HERC5: variants seen among roughly 807,000 people sequenced by gnomAD.
HERC5 encodes HECT and RLD domain containing E3 ubiquitin protein ligase 5, also known as E3 ISG15--protein ligase HERC5.
Under a neutral mutation model 119.6 loss-of-function variants are expected in HERC5, and 99 were observed. That is an observed-to-expected ratio of 0.83 (90% confidence interval 0.70 to 0.98). HERC5 has a LOEUF of 0.98. Among genes scored for constraint, HERC5 ranks in the 50% least tolerant of loss-of-function variants. The probability of loss-of-function intolerance (pLI) is 0.00; values close to 1 mark genes in which losing one functional copy is unlikely to be tolerated. For synonymous variants in HERC5, 478 were observed against 445.9 expected, an observed-to-expected ratio of 1.07 and a Z score of -0.91; for missense variants, 1,267 against 1,241.3, an observed-to-expected ratio of 1.02 and a Z score of -0.31.
Position 88,462,331 on chromosome 4 carries a change from A to G in HERC5, c.663A>G (p.Gly221=). ...NIYSWGKNEC[G]QLGLGHTESK... is the part of the protein sequence containing the mutation. ...ATTCATGGGGAAAAAATGAATGTGG[A>G]CAACTAGGCCTGGGCCACACTGAGA... Residue 221 remains glycine, a synonymous_variant, in exon 4 of 23, where the codon GGA becomes GGG. Transcript: ENST00000264350. 6.2e-7 allele frequency: 1 copy of G among 1,614,120 alleles called. No individual in the cohort carries two copies. Among genetic ancestry groups the G allele is most frequent in the Non-Finnish European group, 8.5e-7 (1 of 1,179,946 alleles).
intron 3 of HERC5, among the ~76,000 whole-genome samples, chr4:88,461,350 TA>T (rs1740437793): frequency 6.6e-6 from 1 of 152,174 alleles, no homozygotes; most frequent in Non-Finnish European, 1.5e-5. Context: ...GGTAAAGGGA[TA>T]TTCAGAGTTT....
At chr4:88,483,108 A>G (rs1181189587) in intron 13 of HERC5, among the ~76,000 whole-genome samples, 1 of 152,044 alleles carries the variant, frequency 6.6e-6, no homozygotes, top group Non-Finnish European at 1.5e-5. Context: ...GAAGTGGGGG[A>G]ACAGTGGATA....
At chr4:88,499,601 A>G (rs1017682484) in intron 18 of HERC5, among the ~76,000 whole-genome samples, 6 of 152,240 alleles carry the variant, frequency 3.9e-5, no homozygotes, top group African/African-American at 1.4e-4. Context: ...AGGTAACACC[A>G]GTTTGAATGA....
At chr4:88,503,890 C>T (rs940077136) in intron 20 of HERC5, among the ~76,000 whole-genome samples, 1 of 152,024 alleles carries the variant, frequency 6.6e-6, no homozygotes, top group African/African-American at 2.4e-5. Context: ...CATGGTAAAA[C>T]CCCATCTCTA....
chr4:88,462,510 A>G (rs1740479847), intron 4 of HERC5, among the ~76,000 whole-genome samples, 154 bp downstream of exon 4: 1 of 152,210 alleles, frequency 6.6e-6, no homozygotes, highest in Admixed American at 6.5e-5. Flanking sequence ...TCAGTCCAAG[A>G]GGCATACATA....
rs559557609 is a variant in HERC5, at chr4:88,502,776, A to G, written c.2583-1456A>G. On this transcript the variant is annotated intron_variant, in intron 20 of 22. Transcript: ENST00000264350. ...TTAATTTGCATTTCTCTGATTACTA[A>G]TGTTAAGCACTTTATATGCTTATTG... 1.3e-3 allele frequency among the ~76,000 whole-genome samples: 201 copies of G among 152,208 alleles called. 2 individuals are homozygous for G. The highest frequency in any genetic ancestry group is 4.7e-3 in the African/African-American group (195 of 41,550).
rs979029032 is a variant in HERC5, at chr4:88,479,239, C to T, written c.1583-114C>T. On this transcript the variant is annotated intron_variant, in intron 12 of 22. Coordinates refer to ENST00000264350, the MANE Select transcript of HERC5 (RefSeq NM_016323.4). ...GGCAGAGGATGTAGTGAGCTGAGAT[C>T]GTGCCACTGCACTCCAGGCTGGGCA... The T allele has an allele frequency of 4.6e-5, 31 of 669,394 alleles. No individual in the cohort carries two copies. The Admixed American group carries it at 8.0e-4, about 17-fold the overall frequency. The allele number at this position is 669,394 out of a possible 1,614,324, so 41.5% of individuals were successfully genotyped here. A position where few individuals can be genotyped will look rare whatever the true frequency, so the allele number is the denominator to read the frequency against.
chr4:88,470,340 T>A (rs1740826087), intron 9 of HERC5, among the ~76,000 whole-genome samples: 3 of 152,198 alleles, frequency 2.0e-5, no homozygotes, highest in African/African-American at 7.2e-5. Context: ...GTTCTGACCA[T>A]AAATCAAGCC....
chr4:88,460,289 A>G (rs1282994830), intron 3 of HERC5, 118 bp downstream of exon 3: 1 of 505,500 alleles, frequency 2.0e-6, no homozygotes, highest in Non-Finnish European at 3.5e-6. Context: ...TGAATTTGAT[A>G]TGGTTCCGAG....
rs865779975 is a variant in HERC5 at position 88,476,675 on chromosome 4, C to T, written c.1582+645C>T. ...GTGGCTCATGCCTGTAATCTCAGCA[C>T]TTTGGGAGGCTGAGGCAGGCAGATC... is the stretch of plus-strand genomic sequence containing the variant. On this transcript the variant is annotated intron_variant, in intron 12 of 22. Coordinates refer to ENST00000264350, the MANE Select transcript of HERC5 (RefSeq NM_016323.4). 3.3e-5 allele frequency among the ~76,000 whole-genome samples: 5 copies of T among 152,262 alleles called. No homozygotes were observed. In the South Asian group the frequency reaches 8.3e-4, roughly 25 times the overall value.
chr4:88,461,794 A>G (rs554062800), intron 3 of HERC5, among the ~76,000 whole-genome samples: 4 of 152,154 alleles, frequency 2.6e-5, no homozygotes, highest in Non-Finnish European at 5.9e-5. Flanking sequence ...GGGGTTTTTC[A>G]TAGAGGTAGA....
At chr4:88,498,198 A>T (rs145957630) in intron 18 of HERC5, among the ~76,000 whole-genome samples, 2 of 152,166 alleles carry the variant, frequency 1.3e-5, no homozygotes, top group Non-Finnish European at 2.9e-5. Context: ...GAGAGCCCCC[A>T]CTAAGGCAAT....
At chr4:88,472,943 TCTA>T (rs1375393150) in intron 11 of HERC5, 1 of 153,318 alleles carries the variant, frequency 6.5e-6, no homozygotes, top group Non-Finnish European at 1.4e-5. Flanking sequence ...TTTTTTCCAT[TCTA>T]CTTTTCTGTA....
Position 88,482,174 on chromosome 4 carries a change from G to A in HERC5, c.1737+2667G>A, listed in dbSNP as rs944194067. ...AAAATACAAAAGTTAGCTGGGTGTG[G>A]TGGCGTATGCCTGTAATCCCAGCTG... On this transcript the variant is annotated intron_variant, in intron 13 of 22. Coordinates refer to ENST00000264350, the MANE Select transcript of HERC5 (RefSeq NM_016323.4). Among the ~76,000 whole-genome samples, 6 of 152,240 alleles carry A rather than the reference G, an allele frequency of 3.9e-5. No homozygotes were observed. The East Asian group carries it at 5.8e-4, about 15-fold the overall frequency.
Position 88,463,698 on chromosome 4 carries a change from G to T in HERC5, c.780+75G>T, listed in dbSNP as rs1246133111. The stretch of plus-strand genomic sequence containing the variant: ...GTATGGGAAGTTAGTGTTTCCCAGA[G>T]AAGAAAGGTCATCACTTCCTGTATG... On this transcript the variant is annotated intron_variant, in intron 5 of 22. Coordinates refer to ENST00000264350, the MANE Select transcript of HERC5 (RefSeq NM_016323.4). 3.5e-6 allele frequency: 5 copies of T among 1,437,128 alleles called. No homozygotes were observed. The Admixed American group carries it at 5.4e-5, about 15-fold the overall frequency. 89.0% of individuals were successfully genotyped at this position (1,437,128 alleles called of 1,614,324 possible). A position where few individuals can be genotyped will look rare whatever the true frequency, so the allele number is the denominator to read the frequency against.
At chr4:88,482,434 GA>G (rs1338054676) in intron 13 of HERC5, among the ~76,000 whole-genome samples, 1 of 152,106 alleles carries the variant, frequency 6.6e-6, no homozygotes, top group Non-Finnish European at 1.5e-5. Flanking sequence ...CCCGTATGTG[GA>G]CACCTCAGCC....
chr4:88,502,703 T>C (rs572943268), intron 20 of HERC5, among the ~76,000 whole-genome samples: 1 of 152,356 alleles, frequency 6.6e-6, no homozygotes, highest in Non-Finnish European at 1.5e-5. Context: ...ACTAGTCTTT[T>C]TTAAATTAGC....
At chr4:88,470,526 A>G (rs1243450904) in intron 9 of HERC5, 88 bp from the exon 10 acceptor site, 1 of 700,170 alleles carries the variant, frequency 1.4e-6, no homozygotes, top group African/African-American at 1.9e-5. Context: ...AAGATGTGGT[A>G]TTTATCATGT....
intron 21 of HERC5, 23 bp from the exon 22 acceptor site, chr4:88,504,472 A>T: frequency 6.4e-7 from 1 of 1,568,776 alleles, no homozygotes; most frequent in Non-Finnish European, 8.7e-7. Context: ...TTCCTCAATA[A>T]CTTTTTTTTG....
Sources: allele counts gnomAD v4.1 joint callset (sites outside exome capture counted in the v4.1 genomes callset), GRCh38; gene constraint gnomAD v4.1.1; transcripts MANE v1.5; gene names NCBI Gene and HGNC (gene_info 2026-07-23, HGNC 2026-07-21).